Variants in ASS1 observed in about 807,000 individuals in gnomAD.
ASS1 encodes argininosuccinate synthase.
Under a neutral mutation model 60.5 loss-of-function variants are expected in ASS1, and 58 were observed. That is an observed-to-expected ratio of 0.96 (90% CI 0.78 to 1.19). ASS1 has a LOEUF of 1.19. Among genes scored for constraint, ASS1 ranks in the 50% most tolerant of loss-of-function variants. The probability of loss-of-function intolerance (pLI) is 0.00; values close to 1 mark genes in which losing one functional copy is unlikely to be tolerated. For missense variants in ASS1, 454 were observed against 547.3 expected, an observed-to-expected ratio of 0.83 and a Z score of 1.70; for synonymous variants, 200 against 206.9, an observed-to-expected ratio of 0.97 and a Z score of 0.29.
At chr9:130,469,656 C>T (rs1439213185) in intron 6 of ASS1, among the ~76,000 whole-genome samples, 1 of 152,228 alleles carries the variant, frequency 6.6e-6, no homozygotes, top group Non-Finnish European at 1.5e-5. Flanking sequence ...AAGTGAGCCA[C>T]TGCACCTGGC....
Position 130,499,535 on chromosome 9 carries a change from T to G in ASS1, c.1158T>G (p.Thr386=). 1 of 1,613,890 alleles carries G rather than the reference T, an allele frequency of 6.2e-7. No individual in the cohort carries two copies. Among genetic ancestry groups the G allele is most frequent in the South Asian group, 1.1e-5 (1 of 90,958 alleles). ...ACGTGCAGGGTGATTATGAGCCAAC[T>G]GATGCCACCGGGTTCATCAACATCA... The part of the protein sequence containing the change: ...SMNVQGDYEP[T]DATGFININS... The change falls in exon 14 of 15, where the codon ACT becomes ACG. Residue 386 remains threonine, a synonymous_variant. Transcript: ENST00000352480.
intron 4 of ASS1, among the ~76,000 whole-genome samples, chr9:130,460,849 C>T (rs1309047746): frequency 6.6e-6 from 1 of 152,110 alleles, no homozygotes; most frequent in African/African-American, 2.4e-5. Context: ...TTGGTTTTTA[C>T]TGTCACTCCA....
At chr9:130,466,622 AC>A (rs1186106884) in intron 5 of ASS1, 102 bp from the exon 6 acceptor site, 2 of 1,065,596 alleles carry the variant, frequency 1.9e-6, no homozygotes, top group African/African-American at 3.1e-5. Flanking sequence ...CATGCTGGAG[AC>A]CCCCATGGGC....
rs1427271042 is a variant in ASS1, at chr9:130,447,068, G to A, written c.-6+2073G>A. Among the ~76,000 whole-genome samples the A allele has an allele frequency of 2.6e-5, 4 of 152,252 alleles. No homozygotes were observed. In the East Asian group the frequency reaches 7.7e-4, roughly 29 times the overall value. On this transcript the variant is annotated intron_variant, in intron 1 of 14. Coordinates refer to ENST00000352480, the MANE Select transcript of ASS1 (RefSeq NM_054012.4). ...AGAATGTCAGCGAGGGGTTGCAGGGGAATCTTCCACGGGGCAGTAGGCCTG... is the reference window on the plus strand; with the variant it reads ...AGAATGTCAGCGAGGGGTTGCAGGGAAATCTTCCACGGGGCAGTAGGCCTG...
intron 13 of ASS1, among the ~76,000 whole-genome samples, chr9:130,495,504 T>TA (rs1231547454): frequency 2.6e-4 from 25 of 96,470 alleles, no homozygotes; most frequent in Non-Finnish European, 4.0e-4. Context: ...CACACACATA[T>TA]ATATATAAAA....
chr9:130,465,997 G>A (rs914970), intron 5 of ASS1, among the ~76,000 whole-genome samples: 133,074 of 152,196 alleles, frequency 0.87, 60,843 homozygotes, highest in East Asian at 1. Flanking sequence ...TGGGAGTAGG[G>A]CTGTGGTCTT....
chr9:130,499,634 G>A, intron 14 of ASS1, 64 bp downstream of exon 14: 1 of 1,506,828 alleles, frequency 6.6e-7, no homozygotes, highest in East Asian at 2.3e-5. Flanking sequence ...GGCTTTGAGA[G>A]CCCCCAGGTG....
At chr9:130,463,777 G>A (rs1398435151) in intron 4 of ASS1, among the ~76,000 whole-genome samples, 2 of 152,182 alleles carry the variant, frequency 1.3e-5, no homozygotes, top group African/African-American at 4.8e-5. Context: ...CCTTGAGGAA[G>A]AGACTATAGT....
rs999685778 is a variant in ASS1 at position 130,489,426 on chromosome 9, A to G, written c.932A>G (p.Gln311Arg). Residue 311 changes from glutamine (Q) to arginine (R), a missense_variant, in exon 12 of 15, where the codon CAA becomes CGA. Gln to Arg is a conservative substitution (Grantham distance 43). Coordinates refer to ENST00000352480, the MANE Select transcript of ASS1 (RefSeq NM_054012.4). This position sits in a 1 kb window ranked among gnomAD's most constrained non-coding sequence, Gnocchi z 4.1. The stretch of plus-strand genomic sequence containing the variant: ...GACCGGGAAGTGCGCAAAATCAAAC[A>G]AGGCCTGGGCTTGAAATTTGCTGAG... Reference protein sequence around the residue: ...TMDREVRKIKQGLGLKFAELV... With the variant: ...TMDREVRKIKRGLGLKFAELV... 6.2e-7 allele frequency: 1 copy of G among 1,614,120 alleles called. No individual in the cohort carries two copies. Among genetic ancestry groups the G allele is most frequent in the African/African-American group, 1.3e-5 (1 of 75,014 alleles).
chr9:130,449,056 T>C (rs1215326164), intron 1 of ASS1, among the ~76,000 whole-genome samples: 1 of 152,066 alleles, frequency 6.6e-6, no homozygotes, highest in South Asian at 2.1e-4. Context: ...GATGGCCGGA[T>C]GTAGTGGCCC....
At chr9:130,490,303 T>TTTTATTTATTTATTTATTTA (rs1039187131) in intron 12 of ASS1, among the ~76,000 whole-genome samples, 3 of 152,094 alleles carry the variant, frequency 2.0e-5, no homozygotes, top group African/African-American at 7.2e-5. Context: ...TACATTTTTA[T>TTTTATTTATTTATTTATTTA]TTTATTTATT....
At chr9:130,500,923 G>GTTATTTTACATT in intron 14 of ASS1, 53 bp from the exon 15 acceptor site, 1 of 1,576,404 alleles carries the variant, frequency 6.3e-7, no homozygotes, top group South Asian at 1.1e-5. Context: ...TGAACCCAGT[G>GTTATTTTACATT]TGTGTTGTTA....
chr9:130,454,498 A>AGCAGGATGATC, intron 3 of ASS1, 125 bp downstream of exon 3: 2 of 1,057,250 alleles, frequency 1.9e-6, no homozygotes, highest in Non-Finnish European at 2.8e-6. Flanking sequence ...AGAGTATGAG[A>AGCAGGATGATC]TCATCCTGCT....
chr9:130,487,097 G>A (rs1451954370), intron 11 of ASS1, among the ~76,000 whole-genome samples: 1 of 152,202 alleles, frequency 6.6e-6, no homozygotes, highest in Non-Finnish European at 1.5e-5. Flanking sequence ...CTAGATTTAA[G>A]GTGAGTCCAG....
At chr9:130,456,826 T>C (rs1421520274) in intron 3 of ASS1, among the ~76,000 whole-genome samples, 3 of 151,924 alleles carry the variant, frequency 2.0e-5, no homozygotes, top group Non-Finnish European at 4.4e-5. Flanking sequence ...CTCGGGAGGC[T>C]GAGGCAGGAG....
chr9:130,451,575 C>T lies in ASS1; in HGVS notation c.-5-649C>T, dbSNP rs137927043. 2.5e-4 allele frequency: 87 copies of T among 346,486 alleles called. 1 individual carries two copies. The highest frequency in any genetic ancestry group is 1.7e-3 in the African/African-American group (78 of 46,648). The allele number at this position is 346,486 out of a possible 1,614,324, so 21.5% of individuals were successfully genotyped here. ...GAGAGGGACTGGGGCTGGGCCCCTG[C>T]CCCACAGCATCCTTCTCCACCTGCA... On this transcript the variant is annotated intron_variant, in intron 1 of 14. Transcript: ENST00000352480.
intron 3 of ASS1, 70 bp from the exon 4 acceptor site, chr9:130,458,331 C>T: frequency 6.3e-7 from 1 of 1,597,872 alleles, no homozygotes; most frequent in Non-Finnish European, 8.6e-7. Flanking sequence ...AGCTGAGGCC[C>T]CTGGGGCTCT....
At chr9:130,464,328 G>A (rs1237969157) in intron 5 of ASS1, among the ~76,000 whole-genome samples, 161 bp downstream of exon 5, 2 of 151,902 alleles carry the variant, frequency 1.3e-5, no homozygotes, top group South Asian at 2.1e-4. Flanking sequence ...GGCTCCCTTC[G>A]CTGGGGCCAG....
chr9:130,461,707 T>A (rs1845598899), intron 4 of ASS1, among the ~76,000 whole-genome samples: 1 of 151,936 alleles, frequency 6.6e-6, no homozygotes, highest in Non-Finnish European at 1.5e-5. Context: ...GGGGTATGAG[T>A]GGAGAACCAG....
Sources: gnomAD v4.1 joint callset for allele counts (sites outside exome capture counted in the v4.1 genomes callset) on GRCh38, gnomAD v4.1.1 for gene constraint, Gnocchi (gnomAD v3.1) non-coding constraint, MANE v1.5 for transcripts, NCBI Gene and HGNC (gene_info 2026-07-23, HGNC 2026-07-21) for gene names.